Variants in TTLL8 observed in about 807,000 individuals in gnomAD.
TTLL8 encodes the protein protein monoglycylase TTLL8.
Under a neutral mutation model 77.8 loss-of-function variants are expected in TTLL8, and 65 were observed. That is an observed-to-expected ratio of 0.84 (90% CI 0.68 to 1.03). The LOEUF (loss-of-function observed/expected upper bound fraction) is 1.03, where lower values mean the gene tolerates loss of function less well. Among genes scored for constraint, TTLL8 ranks in the 50% least tolerant of loss-of-function variants. The pLI, the probability that TTLL8 is intolerant of heterozygous loss-of-function variation, is 0.00. For missense variants in TTLL8, 910 were observed against 1,004.5 expected (o/e 0.91, Z 1.27); for synonymous variants, 402 against 422.8 (o/e 0.95, Z 0.60).
rs771232059 is a variant in TTLL8 at position 50,033,196 on chromosome 22, A to G, written c.1283+6T>C. 6.6e-5 allele frequency: 89 copies of G among 1,344,176 alleles called. No individual in the cohort carries two copies. Among genetic ancestry groups the G allele is most frequent in the Non-Finnish European group, 8.4e-5 (85 of 1,010,352 alleles). 83.3% of individuals were successfully genotyped at this position (1,344,176 alleles called of 1,614,324 possible). A position where few individuals can be genotyped will look rare whatever the true frequency, so the allele number is the denominator to read the frequency against. On this transcript the variant is annotated splice_donor_region_variant and intron_variant, in intron 10 of 13. Transcript: ENST00000266182. Reference sequence around the variant, plus strand: ...CCGAGGTGTCCAGGTCGCCCACCGCACTGACCTGTCCAGCTTGTCCAGGGA... The same window carrying G: ...CCGAGGTGTCCAGGTCGCCCACCGCGCTGACCTGTCCAGCTTGTCCAGGGA...
intron 8 of TTLL8, among the ~76,000 whole-genome samples, chr22:50,037,367 C>G (rs1393823888): frequency 6.6e-6 from 1 of 152,096 alleles, no homozygotes; most frequent in African/African-American, 2.4e-5. Flanking sequence ...ACCACCGCGC[C>G]CAGCTAATTT....
At chr22:50,033,669 C>T (rs2061315322) in intron 9 of TTLL8, among the ~76,000 whole-genome samples, 1 of 152,234 alleles carries the variant, frequency 6.6e-6, no homozygotes, top group Non-Finnish European at 1.5e-5. Flanking sequence ...TCTCCCCCAA[C>T]AGAACCAGCC....
chr22:50,024,034 G>A (rs1361729153), intron 12 of TTLL8, among the ~76,000 whole-genome samples: 1 of 152,142 alleles, frequency 6.6e-6, no homozygotes, highest in East Asian at 1.9e-4. Flanking sequence ...CAAACAAACA[G>A]ACAACAATAA....
At chr22:50,030,726 C>A in exon 12 of TTLL8, 1 of 1,316,230 alleles carries the variant, frequency 7.6e-7, no homozygotes, top group Non-Finnish European at 1.0e-6. Flanking sequence ...TCCCAAGTCC[C>A]GCTGGAGAGC....
At chr22:50,022,137 A>ACGTG (rs1304802368) in intron 12 of TTLL8, among the ~76,000 whole-genome samples, 15 of 143,948 alleles carry the variant, frequency 1.0e-4, no homozygotes, top group African/African-American at 3.7e-4. Flanking sequence ...CCTCCATCTG[A>ACGTG]CATGCACTCC....
In TTLL8 at chr22:50,027,327, A is replaced by C. The variant is rs535636782; in HGVS notation, c.2203+3103T>G. Among the ~76,000 whole-genome samples, 14 of 151,716 alleles carry C rather than the reference A, an allele frequency of 9.2e-5. 1 individual carries two copies. The highest frequency in any genetic ancestry group is 7.8e-4 in the East Asian group (4 of 5,160). Reference sequence around the variant, plus strand: ...GGTGCGTGGATTGCCTGAGCTTAGGAGTTTCCAACCAGCCTGGCCAACATG... The same window carrying C: ...GGTGCGTGGATTGCCTGAGCTTAGGCGTTTCCAACCAGCCTGGCCAACATG... On this transcript the variant is annotated intron_variant, in intron 12 of 13. Coordinates refer to ENST00000266182, the Ensembl canonical transcript of TTLL8.
chr22:50,054,620 G>T, exon 1 of TTLL8: 1 of 231,874 alleles, frequency 4.3e-6, no homozygotes, highest in Non-Finnish European at 1.0e-5. Context: ...CCATCCAGGA[G>T]CCTCATGCTT....
chr22:50,027,841 C>G, intron 12 of TTLL8: 1 of 980,150 alleles, frequency 1.0e-6, no homozygotes, highest in Non-Finnish European at 1.2e-6. Flanking sequence ...TGGAAGCAAG[C>G]CCAGCTCCTC....
chr22:50,048,115 A>AGTGTGT (rs34500180), intron 3 of TTLL8, among the ~76,000 whole-genome samples: 1,484 of 145,718 alleles, frequency 0.01, 11 homozygotes, highest in Middle Eastern at 0.031. Context: ...CCCCCAAAAA[A>AGTGTGT]GTGTGTGTGT....
intron 1 of TTLL8, among the ~76,000 whole-genome samples, chr22:50,052,042 C>T (rs1266929770): frequency 4.6e-5 from 7 of 151,824 alleles, no homozygotes; most frequent in South Asian, 4.2e-4. Flanking sequence ...GACATCCGGT[C>T]GGTCCCAGCA....
chr22:50,019,774 G>C (rs1471450755), intron 12 of TTLL8, among the ~76,000 whole-genome samples: 4 of 152,212 alleles, frequency 2.6e-5, no homozygotes, highest in African/African-American at 4.8e-5. Context: ...ATAAATGTTT[G>C]CTTTGCCACA....
chr22:50,032,898 A>G, intron 10 of TTLL8, among the ~76,000 whole-genome samples: 1 of 152,230 alleles, frequency 6.6e-6, no homozygotes, highest in East Asian at 1.9e-4. Flanking sequence ...GCCAGGGCCC[A>G]GGTGCTGCCC....
At chr22:50,020,307 C>CGTGCACTCCTCCATCTGAT (rs2061187161) in intron 12 of TTLL8, among the ~76,000 whole-genome samples, 3 of 146,676 alleles carry the variant, frequency 2.0e-5, no homozygotes, top group South Asian at 2.3e-4. Context: ...CTCCATCTGA[C>CGTGCACTCCTCCATCTGAT]GTGCACTCCT....
intron 12 of TTLL8, among the ~76,000 whole-genome samples, chr22:50,028,483 C>T (rs968615732): frequency 6.6e-6 from 1 of 152,172 alleles, no homozygotes; most frequent in African/African-American, 2.4e-5. Context: ...ACTTCGCCTC[C>T]CGTGGGGCAA....
chr22:50,045,555 A>G (rs2061404482), intron 5 of TTLL8, among the ~76,000 whole-genome samples, 166 bp from the exon 8 acceptor site: 1 of 151,542 alleles, frequency 6.6e-6, no homozygotes, highest in Non-Finnish European at 1.5e-5. Flanking sequence ...TTCTCCCTGC[A>G]GTGTCTCTGT....
intron 12 of TTLL8, among the ~76,000 whole-genome samples, chr22:50,026,183 GT>G (rs921843675): frequency 2.0e-5 from 3 of 152,082 alleles, no homozygotes; most frequent in Non-Finnish European, 4.4e-5. Context: ...ATGCAGTACT[GT>G]TATCACCGAC....
upstream of TTLL8, chr22:50,055,414 G>A (rs1348778062): frequency 2.9e-6 from 3 of 1,025,812 alleles, no homozygotes; most frequent in South Asian, 1.5e-5. Flanking sequence ...AGCACTGTGG[G>A]AGGCCGAGGT....
At chr22:50,051,664 G>A (rs2061444339) in intron 1 of TTLL8, among the ~76,000 whole-genome samples, 1 of 152,274 alleles carries the variant, frequency 6.6e-6, no homozygotes, top group African/African-American at 2.4e-5. Context: ...CAGCGTAAAA[G>A]TGTTCCCTGT....
In TTLL8 at chr22:50,034,349, G is replaced by T. The variant is rs776897083; in HGVS notation, c.1035C>A (p.Ser345=). ...CGGTGCAGGGAGCATCCGCACCAGG[G>T]GACTCACCTCGGCCCCGGGACTTGG... is the stretch of plus-strand genomic sequence containing the variant. The change falls in exon 9 of 14, where the codon TCC becomes TCA. Residue 345 remains serine (S), a synonymous_variant. Transcript: ENST00000266182. The surrounding 1 kb of genome is among the most constrained non-coding windows in gnomAD (Gnocchi z 4.1). 7.3e-7 allele frequency: 1 copy of T among 1,365,328 alleles called. No individual in the cohort carries two copies. Among genetic ancestry groups the T allele is most frequent in the Non-Finnish European group, 9.8e-7 (1 of 1,021,572 alleles). 84.6% of individuals were successfully genotyped at this position (1,365,328 alleles called of 1,614,324 possible).
Sources: allele counts gnomAD v4.1 joint callset (sites outside exome capture counted in the v4.1 genomes callset), GRCh38; gene constraint gnomAD v4.1.1; non-coding constraint Gnocchi (gnomAD v3.1); transcripts MANE v1.5; gene names NCBI Gene and HGNC (gene_info 2026-07-23, HGNC 2026-07-21).